The following CAB39L variants were observed in gnomAD, a reference collection of about 807,000 sequenced individuals.
The protein encoded by CAB39L is calcium-binding protein 39-like.
In CAB39L, 23 loss-of-function variants were observed where a neutral mutation model predicts 39.1. That is an observed-to-expected ratio of 0.59 (90% CI 0.42 to 0.83). The LOEUF (loss-of-function observed/expected upper bound fraction) is 0.83, where lower values mean the gene tolerates loss of function less well. Ranked by LOEUF, CAB39L falls within the 40% of genes least tolerant of loss-of-function variation. The pLI is 0.00. For synonymous variants in CAB39L, 126 were observed against 137.2 expected, an observed-to-expected ratio of 0.92 and a Z score of 0.57; for missense variants, 366 against 391.9, an observed-to-expected ratio of 0.93 and a Z score of 0.56.
At chr13:49,405,615 A>G (rs1956853565) in intron 3 of CAB39L, among the ~76,000 whole-genome samples, 1 of 151,930 alleles carries the variant, frequency 6.6e-6, no homozygotes, top group African/African-American at 2.4e-5. Context: ...TCTCTACAAA[A>G]AATCAAAATT....
chr13:49,351,932 G>A, intron 6 of CAB39L, among the ~76,000 whole-genome samples: 1 of 152,316 alleles, frequency 6.6e-6, no homozygotes, highest in East Asian at 1.9e-4. Context: ...AGAGGAACAA[G>A]TTAGTAAAGA....
At chr13:49,336,271 A>T (rs1007492584) in intron 9 of CAB39L, among the ~76,000 whole-genome samples, 11 of 152,002 alleles carry the variant, frequency 7.2e-5, no homozygotes, top group Non-Finnish European at 8.8e-5. Context: ...ATCTAACATT[A>T]AAAAAAACCA....
At chr13:49,383,814 TAAAAC>T (rs1216460346) in intron 3 of CAB39L, among the ~76,000 whole-genome samples, 1 of 152,136 alleles carries the variant, frequency 6.6e-6, no homozygotes, top group African/African-American at 2.4e-5. Context: ...TAAAGTATAA[TAAAAC>T]AAAAACAAAA....
At chr13:49,437,086 G>C (rs1316327665) in intron 1 of CAB39L, among the ~76,000 whole-genome samples, 2 of 152,094 alleles carry the variant, frequency 1.3e-5, no homozygotes, top group Non-Finnish European at 2.9e-5. Flanking sequence ...GAAATGTTTT[G>C]ACTATCATTT....
intron 10 of CAB39L, among the ~76,000 whole-genome samples, chr13:49,316,902 C>T (rs536692126): frequency 2.2e-4 from 34 of 152,246 alleles, no homozygotes; most frequent in African/African-American, 6.3e-4. Flanking sequence ...TAGAGGAGAA[C>T]GCCATGTGAA....
At chr13:49,379,846 T>C (rs1249892870) in intron 4 of CAB39L, among the ~76,000 whole-genome samples, 1 of 143,626 alleles carries the variant, frequency 7.0e-6, no homozygotes, top group East Asian at 2.0e-4. Context: ...TAAATAATCT[T>C]TTTTTTTTTT....
intron 4 of CAB39L, among the ~76,000 whole-genome samples, chr13:49,377,816 C>G (rs1407124759): frequency 1.6e-4 from 15 of 95,910 alleles, no homozygotes; most frequent in Admixed American, 2.7e-4. Flanking sequence ...GCCGCCACCC[C>G]GTCTGGGATG....
At chr13:49,421,831 T>C (rs909930427) in intron 3 of CAB39L, among the ~76,000 whole-genome samples, 1 of 152,112 alleles carries the variant, frequency 6.6e-6, no homozygotes, top group East Asian at 1.9e-4. Context: ...GGCAACCCTG[T>C]CTACCCCCAG....
intron 5 of CAB39L, among the ~76,000 whole-genome samples, chr13:49,376,747 C>T (rs779878877): frequency 1.3e-5 from 2 of 151,942 alleles, no homozygotes; most frequent in African/African-American, 4.8e-5. Context: ...TTCTATTAAC[C>T]GTTATCTTTG....
chr13:49,346,120 T>TATATATATATATATATATATATA (rs10663110), intron 7 of CAB39L, among the ~76,000 whole-genome samples: 1 of 88,482 alleles, frequency 1.1e-5, no homozygotes, highest in Non-Finnish European at 2.2e-5. Context: ...TATATATATA[T>TATATATATATATATATATATATA]ATATCATGGA....
intron 8 of CAB39L, among the ~76,000 whole-genome samples, chr13:49,340,563 C>T (rs1954980140): frequency 6.6e-6 from 1 of 152,174 alleles, no homozygotes; most frequent in Non-Finnish European, 1.5e-5. Context: ...AGTAAAAATA[C>T]AAAGGTGTAG....
intron 9 of CAB39L, among the ~76,000 whole-genome samples, chr13:49,334,331 A>T (rs563792377): frequency 1.3e-5 from 2 of 152,326 alleles, no homozygotes; most frequent in South Asian, 4.1e-4. Flanking sequence ...AGATTCCCAT[A>T]GATTTAGAAA....
intron 3 of CAB39L, among the ~76,000 whole-genome samples, chr13:49,402,382 A>C (rs1956793646): frequency 6.6e-6 from 1 of 152,190 alleles, no homozygotes; most frequent in African/African-American, 2.4e-5. Context: ...CTTTGGAATT[A>C]GGAGGCAATG....
intron 10 of CAB39L, among the ~76,000 whole-genome samples, chr13:49,325,014 T>C (rs1046811190): frequency 3.3e-5 from 5 of 152,222 alleles, no homozygotes; most frequent in African/African-American, 1.2e-4. Context: ...AACAACATTA[T>C]AAACATTCAG....
chr13:49,338,587 C>T (rs1025301337), intron 9 of CAB39L, among the ~76,000 whole-genome samples: 2 of 151,512 alleles, frequency 1.3e-5, no homozygotes, highest in African/African-American at 4.9e-5. Flanking sequence ...AACAGCATGG[C>T]ACGTGTATAC....
intron 10 of CAB39L, 97 bp downstream of exon 10, chr13:49,331,850 T>C: frequency 8.8e-7 from 1 of 1,138,528 alleles, no homozygotes; most frequent in Non-Finnish European, 1.3e-6. Context: ...TTTCATTTTC[T>C]TTCAAGTATG....
chr13:49,418,542 T>C (rs1462215176), intron 3 of CAB39L, among the ~76,000 whole-genome samples: 1 of 152,218 alleles, frequency 6.6e-6, no homozygotes, highest in African/African-American at 2.4e-5. Flanking sequence ...GATACATTAA[T>C]TCTATCTCAA....
rs1956788909 is a variant in CAB39L at position 49,402,185 on chromosome 13, A to T, written c.-31-19244T>A. On this transcript the variant is annotated intron_variant, in intron 3 of 10. Transcript: ENST00000409308. ...CCCTAAACATTACCGGTCAGAATGC[A>T]TAACACCTCTTATAAGAATTACAAA... 2.0e-5 allele frequency among the ~76,000 whole-genome samples: 3 copies of T among 152,314 alleles called. No individual in the cohort carries two copies. In the South Asian group the frequency reaches 6.2e-4, roughly 32 times the overall value.
intron 3 of CAB39L, among the ~76,000 whole-genome samples, chr13:49,429,157 A>C (rs1957283949): frequency 6.6e-6 from 1 of 152,232 alleles, no homozygotes; most frequent in African/African-American, 2.4e-5. Context: ...AATCAATGGT[A>C]TGACCATAGC....
Sources: gnomAD v4.1 joint callset for allele counts (sites outside exome capture counted in the v4.1 genomes callset) on GRCh38, gnomAD v4.1.1 for gene constraint, MANE v1.5 for transcripts, NCBI Gene and HGNC (gene_info 2026-07-23, HGNC 2026-07-21) for gene names.